Variants in ANK3 observed in about 807,000 individuals in gnomAD.
ANK3 encodes the protein ankyrin 3, also known as ankyrin-3.
Under a neutral mutation model 370.9 loss-of-function variants are expected in ANK3, and 57 were observed. The ratio of observed to expected loss-of-function variants is 0.15; its 90% confidence interval spans 0.12 to 0.19. The LOEUF (loss-of-function observed/expected upper bound fraction) is 0.19. ANK3 is among the 10% of genes least tolerant of loss of function. ANK3 has a pLI of 1.00. For synonymous variants in ANK3, 1,929 were observed against 1,946.3 expected (o/e 0.99, Z 0.23); for missense variants, 4,439 against 5,302.1 (o/e 0.84, Z 5.06).
chr10:60,142,824 A>G (rs992015385), intron 23 of ANK3, among the ~76,000 whole-genome samples: 1 of 152,190 alleles, frequency 6.6e-6, no homozygotes, highest in African/African-American at 2.4e-5. Context: ...TAGAAATAAA[A>G]GCAATGGTAT....
chr10:60,196,653 GAAC>G lies in ANK3; in HGVS notation c.1690-31_1690-29del, dbSNP rs775206948. On this transcript the variant is annotated intron_variant, in intron 14 of 43. Coordinates refer to ENST00000280772, the MANE Select transcript of ANK3 (RefSeq NM_020987.5). ...GAAAAAAAAAAAACATAAAAATAATGAACAATAGAAATGACATAAGGAAAACAC... is the reference window on the plus strand; with the variant it reads ...GAAAAAAAAAAAACATAAAAATAATGAATAGAAATGACATAAGGAAAACAC... The G allele has an allele frequency of 3.5e-6, 5 of 1,409,032 alleles. No individual in the cohort carries two copies. In the African/African-American group the frequency reaches 7.3e-5, roughly 21 times the overall value. The allele number at this position is 1,409,032 out of a possible 1,614,324, so 87.3% of individuals were successfully genotyped here.
At chr10:60,413,043 A>G (rs915603884) in intron 2 of ANK3, among the ~76,000 whole-genome samples, 2 of 152,256 alleles carry the variant, frequency 1.3e-5, no homozygotes, top group Admixed American at 1.3e-4. Context: ...CAGAAACAAT[A>G]AAACCTGACT....
chr10:60,253,238 G>A (rs1221381117), intron 7 of ANK3, among the ~76,000 whole-genome samples: 5 of 152,178 alleles, frequency 3.3e-5, no homozygotes, highest in African/African-American at 7.2e-5. Context: ...GCTTGGGGTT[G>A]GCTGATGTCT....
intron 2 of ANK3, among the ~76,000 whole-genome samples, chr10:60,519,073 C>A (rs1319569737): frequency 6.6e-6 from 1 of 152,122 alleles, no homozygotes; most frequent in African/African-American, 2.4e-5. Context: ...GAGAATATTA[C>A]CCTTGCTTCC....
At chr10:60,470,227 G>C (rs2065183212) in intron 2 of ANK3, among the ~76,000 whole-genome samples, 1 of 152,096 alleles carries the variant, frequency 6.6e-6, no homozygotes, top group Admixed American at 6.6e-5. Context: ...GTATTTTACA[G>C]CTCTTTGTTG....
chr10:60,681,812 T>C (rs4948424), intron 1 of ANK3, among the ~76,000 whole-genome samples: 47,332 of 152,010 alleles, frequency 0.31, 7,423 homozygotes, highest in East Asian at 0.43. Flanking sequence ...ATAATGAAGA[T>C]GGTTAAAAGA....
chr10:60,280,061 G>T (rs1007330268), intron 1 of ANK3, among the ~76,000 whole-genome samples: 1 of 151,962 alleles, frequency 6.6e-6, no homozygotes, highest in South Asian at 2.1e-4. Flanking sequence ...ATTCAAAATG[G>T]CATTATTCTT....
chr10:60,475,491 G>A (rs1261699083), intron 2 of ANK3, among the ~76,000 whole-genome samples: 1 of 152,092 alleles, frequency 6.6e-6, no homozygotes, highest in Non-Finnish European at 1.5e-5. Context: ...ATAGAAGTCT[G>A]ATTTTACCCA....
At chr10:60,692,146 GTTGT>G (rs1242285853) in intron 1 of ANK3, among the ~76,000 whole-genome samples, 1 of 152,188 alleles carries the variant, frequency 6.6e-6, no homozygotes, top group African/African-American at 2.4e-5. Context: ...AAGGGATTTT[GTTGT>G]TTGAGTGACC....
rs2086236579 is a variant in ANK3 at position 60,084,719 on chromosome 10, T to C, written c.3957A>G (p.Lys1319=). Residue 1319 remains lysine, a synonymous_variant, in exon 32 of 44, where the codon AAA becomes AAG. Coordinates refer to ENST00000280772, the MANE Select transcript of ANK3 (RefSeq NM_020987.5). ...AGGAAGATTCTACGGGATCATTCAT[T>C]TTGGCAAAAACAACAAACTTGGCCA... ...PYMAKFVVFA[K]MNDPVESSLR... 3 of 1,613,620 alleles carry C rather than the reference T, an allele frequency of 1.9e-6. No homozygotes were observed. The highest frequency in any genetic ancestry group is 2.7e-5 in the African/African-American group (2 of 74,920).
chr10:60,166,606 A>G lies in ANK3; in HGVS notation c.2599T>C (p.Ser867Pro). Residue 867 changes from serine to proline, a missense_variant, in exon 23 of 44, where the codon TCA (serine) becomes CCA (proline). Coordinates refer to ENST00000280772, the MANE Select transcript of ANK3 (RefSeq NM_020987.5). ...PEMLSDGEYI[S>P]DVEEGEDAMT... ...TTACAAATACCTTCTTCAACATCTG[A>G]GATATATTCGCCATCACTGAGCATT... The G allele has an allele frequency of 1.2e-6, 2 of 1,613,694 alleles. No individual in the cohort carries two copies. Among genetic ancestry groups the G allele is most frequent in the Non-Finnish European group, 8.5e-7 (1 of 1,179,736 alleles).
At chr10:60,613,811 C>T (rs181208515) in intron 2 of ANK3, among the ~76,000 whole-genome samples, 28 of 152,184 alleles carry the variant, frequency 1.8e-4, no homozygotes, top group Admixed American at 7.9e-4. Flanking sequence ...CCATGGCTCA[C>T]GCCTGTAATC....
chr10:60,460,822 AT>A (rs781192875), intron 2 of ANK3, among the ~76,000 whole-genome samples: 40 of 152,210 alleles, frequency 2.6e-4, no homozygotes, highest in Non-Finnish European at 4.6e-4. Context: ...CACTTCAATT[AT>A]TGCTGAATTT....
upstream of ANK3, among the ~76,000 whole-genome samples, chr10:60,391,478 A>G (rs978845138): frequency 6.6e-6 from 1 of 152,160 alleles, no homozygotes; most frequent in African/African-American, 2.4e-5. Context: ...CAGCTGGGGC[A>G]GAGTAAAAAT....
chr10:60,425,662 C>T (rs925590981), intron 2 of ANK3, among the ~76,000 whole-genome samples: 1 of 152,006 alleles, frequency 6.6e-6, no homozygotes, highest in Non-Finnish European at 1.5e-5. Flanking sequence ...AGTTTCCTTG[C>T]CTAAAAAATA....
chr10:60,439,738 GGT>G (rs1397982184), intron 2 of ANK3, among the ~76,000 whole-genome samples: 1 of 152,072 alleles, frequency 6.6e-6, no homozygotes, highest in Non-Finnish European at 1.5e-5. Context: ...TGTGGCTTTG[GGT>G]AAGACATTTC....
In ANK3 at chr10:60,196,540, T is replaced by A. The variant is rs2096587998; in HGVS notation, c.1775A>T (p.Asp592Val). The change falls in exon 15 of 44, where the codon GAT becomes GTT. Residue 592 changes from aspartate (D) to valine (V), a missense_variant. By Grantham distance (152) the Asp-to-Val change is radical (BLOSUM62 -3). This residue lies in a region of ANK3 where 192 missense variants were observed against 192.1 expected (regional missense o/e 1.00). Coordinates refer to ENST00000280772, the MANE Select transcript of ANK3 (RefSeq NM_020987.5). The part of the protein sequence containing the change: ...NLLLQKSASP[D>V]AAGKSGLTPL... ...GTGACCTCTTACCTTCCCAGCAGCA[T>A]CTGGAGATGCACTTTTCTGTAGCAG... 2.5e-6 allele frequency: 4 copies of A among 1,612,688 alleles called. No homozygotes were observed. The highest frequency in any genetic ancestry group is 2.5e-6 in the Non-Finnish European group (3 of 1,179,310).
At chr10:60,234,943 T>C (rs2097305742) in intron 7 of ANK3, among the ~76,000 whole-genome samples, 157 bp from the exon 8 acceptor site, 1 of 152,192 alleles carries the variant, frequency 6.6e-6, no homozygotes, top group African/African-American at 2.4e-5. Context: ...GGAATTTTCT[T>C]CAGAAGGAGA....
chr10:60,036,278 T>A (rs933654344), intron 43 of ANK3, among the ~76,000 whole-genome samples: 2 of 152,140 alleles, frequency 1.3e-5, no homozygotes, highest in Non-Finnish European at 2.9e-5. Context: ...CTGCTGCTGC[T>A]TAGTCCACCA....
Sources: gnomAD v4.1 joint callset for allele counts (sites outside exome capture counted in the v4.1 genomes callset) on GRCh38, gnomAD v4.1.1 for gene constraint, gnomAD v4.1.1 regional missense constraint, MANE v1.5 for transcripts, NCBI Gene and HGNC (gene_info 2026-07-23, HGNC 2026-07-21) for gene names.